The following OVGP1 variants were observed in gnomAD, a reference collection of about 807,000 sequenced individuals.
OVGP1 encodes the protein oviductal glycoprotein 1.
Under a neutral mutation model 48.2 loss-of-function variants are expected in OVGP1, and 26 were observed. The observed-to-expected ratio is 0.54, with a 90% CI of 0.40 to 0.75. The LOEUF (loss-of-function observed/expected upper bound fraction) is 0.75. OVGP1 is among the 30% of genes least tolerant of loss of function. The probability of loss-of-function intolerance (pLI) is 0.00; values close to 1 mark genes in which losing one functional copy is unlikely to be tolerated. For synonymous variants in OVGP1, 294 were observed against 305.7 expected (o/e 0.96, Z 0.40); for missense variants, 791 against 820.6 (o/e 0.96, Z 0.44).
At position 111,426,539 on chromosome 1, in the gene OVGP1, T is replaced by C. The variant is rs1174568631; in HGVS notation, c.158A>G (p.His53Arg). Residue 53 changes from histidine to arginine, a missense_variant, in exon 3 of 11, where the codon CAC (histidine) becomes CGC (arginine). Physicochemically the swap from His to Arg is conservative, Grantham distance 29 (BLOSUM62 0). Transcript: ENST00000369732. ...CATTGAGGCAAAGGCAAATATCAGG[T>C]GGGTGCAGAGAAAGGGGTCCAGGTC... ...PHDLDPFLCTHLIFAFASMNN... is the reference protein window; with the variant it reads ...PHDLDPFLCTRLIFAFASMNN... The C allele has an allele frequency of 1.9e-6, 3 of 1,613,830 alleles. No individual in the cohort carries two copies. The highest frequency in any genetic ancestry group is 2.7e-5 in the African/African-American group (2 of 74,822).
intron 2 of OVGP1, 190 bp from the exon 3 acceptor site, chr1:111,426,831 A>G (rs1262063489): frequency 1.3e-6 from 2 of 1,547,636 alleles, no homozygotes; most frequent in Non-Finnish European, 1.7e-6. Flanking sequence ...TCTCAGGAAG[A>G]AAACAATGCC....
rs760068888 is a variant in OVGP1 at position 111,415,208 on chromosome 1, C to T, written c.1293G>A (p.Gly431=). The change falls in exon 11 of 11, where the codon GGG becomes GGA. Residue 431 remains glycine, a synonymous_variant. Coordinates refer to ENST00000369732, the MANE Select transcript of OVGP1 (RefSeq NM_002557.4). ...CACACTTTCCGTGGATCTCAGTGAC[C>T]CCAGCCTCTCCTCCTGGGGGCAAAA... is the stretch of plus-strand genomic sequence containing the variant. ...SKILPPGGEA[G]VTEIHGKCEN... The T allele has an allele frequency of 6.2e-7, 1 of 1,614,164 alleles. No homozygotes were observed. The highest frequency in any genetic ancestry group is 8.5e-7 in the Non-Finnish European group (1 of 1,180,028).
rs1384217510 is a variant in OVGP1 at position 111,416,351 on chromosome 1, G to A, written c.1128C>T (p.Tyr376=). 5.6e-6 allele frequency: 9 copies of A among 1,602,282 alleles called. No homozygotes were observed. Among genetic ancestry groups the A allele is most frequent in the South Asian group, 1.1e-5 (1 of 87,938 alleles). The change falls in exon 10 of 11, where the codon TAC becomes TAT. Residue 376 remains tyrosine (Y), a synonymous_variant. Coordinates refer to ENST00000369732, the MANE Select transcript of OVGP1 (RefSeq NM_002557.4). ...FCGTGPFPLV[Y]VLNDILVRAE... ...CCCGCACCAGGATATCATTCAATAC[G>A]TAGACAAGGGGGAAAGGGCCAGTGC...
Position 111,421,425 on chromosome 1 carries a change from G to C in OVGP1, c.754C>G (p.Pro252Ala). Residue 252 changes from proline (P) to alanine (A), a missense_variant, in exon 8 of 11, where the codon CCC becomes GCC. Pro to Ala is a conservative substitution (Grantham distance 27). Coordinates refer to ENST00000369732, the MANE Select transcript of OVGP1 (RefSeq NM_002557.4). ...ATCCCCATGATGAGCTTCTCTGAGGGTGCCCCAAGCTTTCTCCAATAATTC... is the reference window on the plus strand; with the variant it reads ...ATCCCCATGATGAGCTTCTCTGAGGCTGCCCCAAGCTTTCTCCAATAATTC... ...AMNYWRKLGA[P>A]SEKLIMGIPT... is the part of the protein sequence containing the mutation. The C allele has an allele frequency of 6.2e-7, 1 of 1,612,502 alleles. No individual in the cohort carries two copies. Among genetic ancestry groups the C allele is most frequent in the Non-Finnish European group, 8.5e-7 (1 of 1,179,380 alleles).
chr1:111,414,450 G>A lies in OVGP1; in HGVS notation c.*14C>T, dbSNP rs767854981. The A allele has an allele frequency of 3.9e-5, 61 of 1,582,536 alleles. No individual in the cohort carries two copies. The highest frequency in any genetic ancestry group is 5.2e-5 in the Non-Finnish European group (60 of 1,163,888). On this transcript the variant is annotated 3_prime_UTR_variant, in exon 11 of 11. Transcript: ENST00000369732. ...AAGACAAGGGTTTTCCCTGGTTTCT[G>A]ACACCAGAGGGGCTTAGGCTTCTTC...
At chr1:111,418,879 G>A (rs904004557) in intron 9 of OVGP1, among the ~76,000 whole-genome samples, 3 of 152,128 alleles carry the variant, frequency 2.0e-5, no homozygotes, top group African/African-American at 7.2e-5. Context: ...AACAGAGGCA[G>A]GTTTAGGAAC....
chr1:111,426,658 C>A lies in OVGP1; in HGVS notation c.56-17G>T. 1 of 1,611,284 alleles carries A rather than the reference C, an allele frequency of 6.2e-7. No individual in the cohort carries two copies. The highest frequency in any genetic ancestry group is 8.5e-7 in the Non-Finnish European group (1 of 1,178,580). Reference sequence around the variant, plus strand: ...GGGCAGCACCTGGTAAGGGAGAGCACACATTAGTTGGCAAAAACCAAGGGA... The same window carrying A: ...GGGCAGCACCTGGTAAGGGAGAGCAAACATTAGTTGGCAAAAACCAAGGGA... On this transcript the variant is annotated splice_polypyrimidine_tract_variant and intron_variant, in intron 2 of 10. Coordinates refer to ENST00000369732, the MANE Select transcript of OVGP1 (RefSeq NM_002557.4).
chr1:111,422,053 C>T (rs949722929), intron 6 of OVGP1, among the ~76,000 whole-genome samples: 2 of 152,174 alleles, frequency 1.3e-5, no homozygotes, highest in African/African-American at 2.4e-5. Context: ...CTCTAGAAAG[C>T]GTTCATCATT....
Position 111,421,601 on chromosome 1 carries a change from G to T in OVGP1, c.681C>A (p.Ser227Arg). Residue 227 changes from serine (S) to arginine (R), a missense_variant, in exon 7 of 11, where the codon AGC (serine) becomes AGA (arginine). Ser to Arg is a moderately radical substitution (Grantham distance 110, BLOSUM62 -1). Transcript: ENST00000369732. ...GSWERFTGHN[S>R]PLFSLPEDPK... is the part of the protein sequence containing the mutation. ...GGTCTTCAGGCAGAGAGAAGAGGGGGCTATTATGTCCTGTGAACCTTTCCC... is the reference window on the plus strand; with the variant it reads ...GGTCTTCAGGCAGAGAGAAGAGGGGTCTATTATGTCCTGTGAACCTTTCCC... 1 of 1,612,882 alleles carries T rather than the reference G, an allele frequency of 6.2e-7. No individual in the cohort carries two copies.
intron 4 of OVGP1, 108 bp downstream of exon 4, chr1:111,425,275 G>T: frequency 8.0e-7 from 1 of 1,247,414 alleles, no homozygotes; most frequent in Non-Finnish European, 1.1e-6. Flanking sequence ...GGAAGTATTT[G>T]CGCTAGCTTT....
rs1476396655 is a variant in OVGP1 at position 111,416,431 on chromosome 1, C to G, written c.1048G>C (p.Gly350Arg). Residue 350 changes from glycine (G) to arginine (R), a missense_variant, in exon 10 of 11, where the codon GGG becomes CGG. Gly to Arg is a moderately radical substitution (Grantham distance 125). Coordinates refer to ENST00000369732, the MANE Select transcript of OVGP1 (RefSeq NM_002557.4). Reference sequence around the variant, plus strand: ...TCCAATGTCCACACCATGGCCCCCCCAAAATGCTCTCGCCTTATAAACCAT... The same window carrying G: ...TCCAATGTCCACACCATGGCCCCCCGAAAATGCTCTCGCCTTATAAACCAT... ...KAWFIRREHF[G>R]GAMVWTLDMD... 2.5e-6 allele frequency: 4 copies of G among 1,606,140 alleles called. No homozygotes were observed. Among genetic ancestry groups the G allele is most frequent in the Admixed American group, 3.4e-5 (2 of 58,724 alleles).
chr1:111,427,519 G>T, intron 1 of OVGP1, 178 bp downstream of exon 1: 1 of 506,788 alleles, frequency 2.0e-6, no homozygotes, highest in Non-Finnish European at 2.5e-6. Flanking sequence ...CCACTGCTCT[G>T]ACCACTTCTC....
rs368016734 is a variant in OVGP1, at chr1:111,415,027, T to A, written c.1474A>T (p.Lys492Ter). 1 of 1,613,304 alleles carries A rather than the reference T, an allele frequency of 6.2e-7. No individual in the cohort carries two copies. Among genetic ancestry groups the A allele is most frequent in the Non-Finnish European group, 8.5e-7 (1 of 1,179,390 alleles). ...TGATGACCCACAGGGGTCAGGGCCT[T>A]CTCTCCAGGGGTCATGGACTGATGA... ...VGHQSMTPGE[K>*]ALTPVGHQSV... is the part of the protein sequence containing the mutation. Residue 492 changes from lysine (K) to a stop codon, truncating the protein, a stop_gained, in exon 11 of 11, where the codon AAG becomes TAG. Coordinates refer to ENST00000369732, the MANE Select transcript of OVGP1 (RefSeq NM_002557.4). LOFTEE classifies it low-confidence loss of function (END_TRUNC).
In OVGP1 at chr1:111,415,248, G is replaced by T; in HGVS notation, c.1253C>A (p.Thr418Asn). ...PERLAVTTAW[T>N]TDSKILPPGG... ...TGGGGGCAAAATCTTACTATCAGTG[G>T]TCCATGCCGTGGTCACAGCCAGCCT... Residue 418 changes from threonine (T) to asparagine (N), a missense_variant, in exon 11 of 11, where the codon ACC (threonine) becomes AAC (asparagine). Thr to Asn is a moderately conservative substitution (Grantham distance 65). Coordinates refer to ENST00000369732, the MANE Select transcript of OVGP1 (RefSeq NM_002557.4). 6.2e-7 allele frequency: 1 copy of T among 1,614,138 alleles called. No individual in the cohort carries two copies. Among genetic ancestry groups the T allele is most frequent in the East Asian group, 2.2e-5 (1 of 44,878 alleles).
At chr1:111,421,719 T>A in intron 6 of OVGP1, 46 bp from the exon 7 acceptor site, 1 of 1,200,494 alleles carries the variant, frequency 8.3e-7, no homozygotes, top group Non-Finnish European at 1.2e-6. Context: ...GCTAGCCAGA[T>A]TTTCAAGTCA....
Position 111,422,950 on chromosome 1 carries a change from G to A in OVGP1, c.585C>T (p.Ser195=), listed in dbSNP as rs1245523776. The stretch of plus-strand genomic sequence containing the variant: ...ACCTTCCTAGAAAGCGCACATCATA[G>A]GATGTTTGGACGATGTGTGGGACCC... ...VSGVPHIVQT[S]YDVRFLGRLL... is the part of the protein sequence containing the mutation. Residue 195 remains serine (S), a synonymous_variant, in exon 6 of 11, where the codon TCC becomes TCT. Coordinates refer to ENST00000369732, the MANE Select transcript of OVGP1 (RefSeq NM_002557.4). 9 of 1,614,040 alleles carry A rather than the reference G, an allele frequency of 5.6e-6. No individual in the cohort carries two copies. The East Asian group carries it at 2.0e-4, about 36-fold the overall frequency.
At chr1:111,423,083 T>C in intron 5 of OVGP1, 32 bp from the exon 6 acceptor site, 2 of 1,612,926 alleles carry the variant, frequency 1.2e-6, no homozygotes, top group Non-Finnish European at 1.7e-6. Context: ...CACAGAGAAC[T>C]GGACAAACAG....
intron 2 of OVGP1, 149 bp downstream of exon 2, chr1:111,426,913 T>C: frequency 6.5e-7 from 1 of 1,550,140 alleles, no homozygotes; most frequent in East Asian, 2.4e-5. Flanking sequence ...AAACAGCAGG[T>C]GACCAAAAAT....
At chr1:111,415,390 C>T in intron 10 of OVGP1, 46 bp from the exon 11 acceptor site, 1 of 1,538,092 alleles carries the variant, frequency 6.5e-7, no homozygotes, top group Non-Finnish European at 8.8e-7. Context: ...CCACTTCATT[C>T]TCATCCTATT....
Sources: allele counts gnomAD v4.1 joint callset (sites outside exome capture counted in the v4.1 genomes callset), GRCh38; gene constraint gnomAD v4.1.1; transcripts MANE v1.5; gene names NCBI Gene and HGNC (gene_info 2026-07-23, HGNC 2026-07-21).